The following CPA6 variants were observed in gnomAD, a reference collection of about 807,000 sequenced individuals.
CPA6 encodes the protein carboxypeptidase A6.
A neutral mutation model predicts 63.3 loss-of-function variants in CPA6; 58 were observed. That is an observed-to-expected ratio of 0.92 (90% confidence interval 0.74 to 1.14). The LOEUF is 1.14. CPA6 is among the 50% of genes most tolerant of loss of function. The pLI, the probability that CPA6 is intolerant of heterozygous loss-of-function variation, is 0.00. For missense variants in CPA6, 565 were observed against 526.6 expected (o/e 1.07, Z -0.71); for synonymous variants, 185 against 179.0 (o/e 1.03, Z -0.27).
chr8:67,482,438 C>A (rs942636146), intron 8 of CPA6, among the ~76,000 whole-genome samples: 8 of 152,134 alleles, frequency 5.3e-5, no homozygotes, highest in African/African-American at 1.9e-4. Flanking sequence ...AAAACAATTT[C>A]TAAATAGAAA....
intron 1 of CPA6, among the ~76,000 whole-genome samples, chr8:67,661,193 T>TACC (rs1816100454): frequency 6.6e-6 from 1 of 151,994 alleles, no homozygotes; most frequent in Non-Finnish European, 1.5e-5. Flanking sequence ...GAAGGTGTAA[T>TACC]TGAGAAGGTA....
At chr8:67,731,563 CTT>C in intron 1 of CPA6, among the ~76,000 whole-genome samples, 1 of 152,360 alleles carries the variant, frequency 6.6e-6, no homozygotes, top group Non-Finnish European at 1.5e-5. Flanking sequence ...TCTGAGGACT[CTT>C]CAAACCACAT....
At chr8:67,499,158 A>C (rs575295098) in intron 6 of CPA6, among the ~76,000 whole-genome samples, 1 of 152,282 alleles carries the variant, frequency 6.6e-6, no homozygotes, top group African/African-American at 2.4e-5. Context: ...TCACTCTACT[A>C]AATTGGAATG....
chr8:67,575,416 T>C (rs933801947), intron 2 of CPA6, among the ~76,000 whole-genome samples: 13 of 152,188 alleles, frequency 8.5e-5, no homozygotes, highest in Non-Finnish European at 1.6e-4. Flanking sequence ...AGTCAGTATG[T>C]CAAAGACATG....
At chr8:67,733,568 T>C (rs1375780068) in intron 1 of CPA6, among the ~76,000 whole-genome samples, 1 of 152,210 alleles carries the variant, frequency 6.6e-6, no homozygotes, top group African/African-American at 2.4e-5. Flanking sequence ...TACTATGGCA[T>C]ATTAATTTTC....
intron 2 of CPA6, among the ~76,000 whole-genome samples, chr8:67,539,810 G>T (rs4737843): frequency 0.29 from 43,884 of 151,894 alleles, 6,502 homozygotes; most frequent in South Asian, 0.4. Context: ...AGTTTTGCAT[G>T]CTTCACAAAG....
chr8:67,517,091 C>A (rs138320873), intron 3 of CPA6, among the ~76,000 whole-genome samples: 2 of 151,992 alleles, frequency 1.3e-5, no homozygotes, highest in African/African-American at 2.4e-5. Flanking sequence ...CCACCGCACC[C>A]GGCCCCACCT....
At chr8:67,424,685 C>T (rs569644619) in intron 10 of CPA6, among the ~76,000 whole-genome samples, 2 of 152,308 alleles carry the variant, frequency 1.3e-5, no homozygotes, top group African/African-American at 4.8e-5. Flanking sequence ...CGAGGGAGAA[C>T]CTATATATAC....
chr8:67,603,309 T>C (rs945988591), intron 2 of CPA6, among the ~76,000 whole-genome samples: 4 of 152,212 alleles, frequency 2.6e-5, no homozygotes, highest in African/African-American at 9.6e-5. Flanking sequence ...CAAACTGTTT[T>C]AATTTTAACA....
chr8:67,457,794 A>T (rs1051807033), intron 8 of CPA6, among the ~76,000 whole-genome samples: 2 of 152,080 alleles, frequency 1.3e-5, no homozygotes, highest in African/African-American at 4.8e-5. Flanking sequence ...TTCTAGGCTC[A>T]TGTTCTCTTC....
At chr8:67,564,404 T>C (rs1472158570) in intron 2 of CPA6, among the ~76,000 whole-genome samples, 1 of 150,828 alleles carries the variant, frequency 6.6e-6, no homozygotes, top group African/African-American at 2.4e-5. Context: ...GCAGCGACGA[T>C]TAAAAGTGTT....
chr8:67,652,038 C>T (rs1335893799), intron 1 of CPA6, among the ~76,000 whole-genome samples: 1 of 152,076 alleles, frequency 6.6e-6, no homozygotes. Flanking sequence ...ATGATGGTTT[C>T]CAGTTTCATC....
chr8:67,647,213 C>T (rs1815731572), intron 1 of CPA6, among the ~76,000 whole-genome samples: 2 of 152,106 alleles, frequency 1.3e-5, no homozygotes, highest in Admixed American at 1.3e-4. Flanking sequence ...AGAGGAGTTA[C>T]AGAGGATGTA....
chr8:67,435,100 T>C (rs2128952506), intron 8 of CPA6, among the ~76,000 whole-genome samples: 1 of 152,228 alleles, frequency 6.6e-6, no homozygotes, highest in Admixed American at 6.5e-5. Context: ...GGAAGGACAG[T>C]CTGCAAGCCC....
chr8:67,552,271 C>T, intron 2 of CPA6, among the ~76,000 whole-genome samples: 1 of 152,182 alleles, frequency 6.6e-6, no homozygotes, highest in East Asian at 1.9e-4. Flanking sequence ...AGGTTACTTA[C>T]CAAAGCTTGG....
At chr8:67,483,608 T>G (rs1022234591) in intron 8 of CPA6, 160 bp downstream of exon 8, 1 of 624,008 alleles carries the variant, frequency 1.6e-6, no homozygotes, top group African/African-American at 1.9e-5. Flanking sequence ...CATTTTCTTT[T>G]GCCAATTACA....
chr8:67,541,987 C>T (rs753743064), intron 2 of CPA6, among the ~76,000 whole-genome samples: 4 of 152,204 alleles, frequency 2.6e-5, no homozygotes, highest in African/African-American at 4.8e-5. Context: ...TATGAGACAA[C>T]GATTATCCAC....
At chr8:67,673,364 T>TATC (rs1210342120) in intron 1 of CPA6, among the ~76,000 whole-genome samples, 1 of 133,610 alleles carries the variant, frequency 7.5e-6, no homozygotes, top group African/African-American at 3.4e-5. Context: ...TTATTATTAT[T>TATC]ATTATTATTA....
chr8:67,665,571 C>A (rs750339667), intron 1 of CPA6, among the ~76,000 whole-genome samples: 13 of 152,180 alleles, frequency 8.5e-5, no homozygotes, highest in Non-Finnish European at 1.8e-4. Flanking sequence ...AGAATACAGT[C>A]CAACTTTATG....
Sources: allele counts gnomAD v4.1 joint callset (sites outside exome capture counted in the v4.1 genomes callset), GRCh38; gene constraint gnomAD v4.1.1; transcripts MANE v1.5; gene names NCBI Gene and HGNC (gene_info 2026-07-23, HGNC 2026-07-21).